USP38: variants seen among roughly 807,000 people sequenced by gnomAD.
USP38 encodes ubiquitin specific peptidase 38, also known as ubiquitin carboxyl-terminal hydrolase 38.
A neutral mutation model predicts 94.3 loss-of-function variants in USP38; 49 were observed. That is an observed-to-expected ratio of 0.52 (90% CI 0.41 to 0.66). The LOEUF (loss-of-function observed/expected upper bound fraction) is 0.66, where lower values mean the gene tolerates loss of function less well. USP38 is among the 30% of genes least tolerant of loss of function. The pLI is 0.00. For synonymous variants in USP38, 468 were observed against 463.6 expected, an observed-to-expected ratio of 1.01 and a Z score of -0.12; for missense variants, 1,128 against 1,229.4, an observed-to-expected ratio of 0.92 and a Z score of 1.23.
At chr4:143,199,295 C>T (rs1018431433) in intron 4 of USP38, among the ~76,000 whole-genome samples, 6 of 152,094 alleles carry the variant, frequency 3.9e-5, no homozygotes, top group African/African-American at 9.7e-5. Context: ...GCCCTCCATC[C>T]GTGTTCCCGC....
chr4:143,212,517 C>T lies in USP38; in HGVS notation c.1604+93C>T, dbSNP rs140921636. The T allele has an allele frequency of 5.4e-5, 35 of 648,330 alleles. No homozygotes were observed. The African/African-American group carries it at 6.1e-4, about 11-fold the overall frequency. The allele number at this position is 648,330 out of a possible 1,614,324, so 40.2% of individuals were successfully genotyped here. A position where few individuals can be genotyped will look rare whatever the true frequency, so the allele number is the denominator to read the frequency against. On this transcript the variant is annotated intron_variant, in intron 8 of 9. Coordinates refer to ENST00000307017, the MANE Select transcript of USP38 (RefSeq NM_032557.6). ...TGCTTTTACCTTTAAAAACATATTT[C>T]AAATATTACTCTTTAAAATACTATT...
intron 6 of USP38, among the ~76,000 whole-genome samples, chr4:143,209,114 T>C (rs971960607): frequency 2.0e-5 from 3 of 152,048 alleles, no homozygotes; most frequent in African/African-American, 7.2e-5. Flanking sequence ...ACTTATCTTA[T>C]AAATTAATGG....
In USP38 at chr4:143,222,327, C is replaced by T. The variant is rs1220545690; in HGVS notation, c.*1871C>T. 1 of 151,934 alleles carries T rather than the reference C, an allele frequency of 6.6e-6. No individual in the cohort carries two copies. Among genetic ancestry groups the T allele is most frequent in the Admixed American group, 6.6e-5 (1 of 15,240 alleles). The allele number at this position is 151,934 out of a possible 1,614,324, so 9.4% of individuals were successfully genotyped here. A position where few individuals can be genotyped will look rare whatever the true frequency, so the allele number is the denominator to read the frequency against. The stretch of plus-strand genomic sequence containing the variant: ...TATCTGCAGTGGATTGGTTCCAGAA[C>T]ACCATCCCCCAATATTAAAATCCAC... On this transcript the variant is annotated 3_prime_UTR_variant, in exon 10 of 10. Transcript: ENST00000307017.
rs1349058553 is a variant in USP38, at chr4:143,185,520, A to C, written c.70A>C (p.Lys24Gln). 1 of 1,612,842 alleles carries C rather than the reference A, an allele frequency of 6.2e-7. No individual in the cohort carries two copies. The highest frequency in any genetic ancestry group is 8.5e-7 in the Non-Finnish European group (1 of 1,179,386). Residue 24 changes from lysine to glutamine, a missense_variant, in exon 1 of 10, where the codon AAG becomes CAG. Lys to Gln is a moderately conservative substitution (Grantham distance 53, BLOSUM62 1). Transcript: ENST00000307017. ...GCCCCTCAAGCGGGTGATTGTGCGG[A>C]AGGTGGTGGAATCGGCGGAGCACTG... The part of the protein sequence containing the change: ...PLPLKRVIVR[K>Q]VVESAEHWLD...
intron 3 of USP38, 127 bp from the exon 4 acceptor site, chr4:143,197,694 TAA>T: frequency 1.6e-6 from 1 of 612,398 alleles, no homozygotes. Context: ...TTTAATAATA[TAA>T]GTTATGTTAG....
chr4:143,187,169 G>A (rs142259669), intron 1 of USP38, among the ~76,000 whole-genome samples: 19 of 152,036 alleles, frequency 1.2e-4, no homozygotes, highest in African/African-American at 4.6e-4. Context: ...TTGAACTGTA[G>A]CAGTAAAGGT....
At chr4:143,199,694 A>G (rs1246417296) in intron 4 of USP38, among the ~76,000 whole-genome samples, 1 of 152,072 alleles carries the variant, frequency 6.6e-6, no homozygotes, top group Non-Finnish European at 1.5e-5. Context: ...ATGAGATGGT[A>G]GTTCATTGTG....
In USP38 at chr4:143,213,827, G is replaced by A. The variant is rs143503547; in HGVS notation, c.1851G>A (p.Ser617=). The A allele has an allele frequency of 2.2e-5, 35 of 1,613,640 alleles. No homozygotes were observed. The highest frequency in any genetic ancestry group is 1.6e-4 in the Middle Eastern group (1 of 6,082). The change falls in exon 9 of 10, where the codon TCG becomes TCA. Residue 617 remains serine, a synonymous_variant. Transcript: ENST00000307017. ...AAGTGGAAGCCTTTACAGATCTTTC[G>A]CTTGCCTTTTGTCCTTCCTCTTCTT... The part of the protein sequence containing the change: ...SQKVEAFTDL[S]LAFCPSSSLE...
rs1732089188 is a variant in USP38, at chr4:143,213,621, C to A, written c.1645C>A (p.His549Asn). The change falls in exon 9 of 10, where the codon CAC becomes AAC. Residue 549 changes from histidine (H) to asparagine (N), a missense_variant. Physicochemically the swap from His to Asn is moderately conservative, Grantham distance 68. Coordinates refer to ENST00000307017, the MANE Select transcript of USP38 (RefSeq NM_032557.6). ...AAAGATCTTGAAAGTTCAGGCCTCA[C>A]ACAAGCCTTCTGAAATTCTGGAATG... ...EEKILKVQASHKPSEILECSE... is the reference protein window; with the variant it reads ...EEKILKVQASNKPSEILECSE... 5 of 1,612,930 alleles carry A rather than the reference C, an allele frequency of 3.1e-6. No individual in the cohort carries two copies. The East Asian group carries it at 1.1e-4, about 36-fold the overall frequency.
chr4:143,214,966 A>G (rs1360226484), intron 9 of USP38, 23 bp downstream of exon 9: 2 of 1,595,756 alleles, frequency 1.3e-6, no homozygotes, highest in Non-Finnish European at 8.5e-7. Flanking sequence ...TACAAGCTTT[A>G]TTTGTTGAAA....
In USP38 at chr4:143,185,918, A is replaced by T. The variant is rs761263877; in HGVS notation, c.468A>T (p.Gln156His). The change falls in exon 1 of 10, where the codon CAA becomes CAT. Residue 156 changes from glutamine to histidine, a missense_variant. By Grantham distance (24) the Gln-to-His change is conservative. Transcript: ENST00000307017. ...RLSDLLTDFV[Q>H]CIPKGKLSIT... ...GCGACCTTCTGACCGACTTTGTGCAATGCATCCCCAAGGGGAAATTGTCCA... is the reference window on the plus strand; with the variant it reads ...GCGACCTTCTGACCGACTTTGTGCATTGCATCCCCAAGGGGAAATTGTCCA... The T allele has an allele frequency of 5.6e-6, 9 of 1,614,054 alleles. No individual in the cohort carries two copies. The highest frequency in any genetic ancestry group is 1.7e-5 in the Admixed American group (1 of 60,004).
In USP38 at chr4:143,187,814, T is replaced by G; in HGVS notation, c.683-12T>G. On this transcript the variant is annotated splice_polypyrimidine_tract_variant and intron_variant, in intron 1 of 9. Coordinates refer to ENST00000307017, the MANE Select transcript of USP38 (RefSeq NM_032557.6). The stretch of plus-strand genomic sequence containing the variant: ...TTGCCATGTTCCCTTTTCTTTTTAA[T>G]TGAAAAAACAGATGCATCATTTGAA... The G allele has an allele frequency of 2.5e-6, 4 of 1,599,836 alleles. No individual in the cohort carries two copies. Among genetic ancestry groups the G allele is most frequent in the Non-Finnish European group, 3.4e-6 (4 of 1,175,406 alleles).
At chr4:143,216,627 C>T (rs1732192042) in intron 9 of USP38, among the ~76,000 whole-genome samples, 1 of 151,712 alleles carries the variant, frequency 6.6e-6, no homozygotes, top group Non-Finnish European at 1.5e-5. Context: ...GCATGTGTCA[C>T]CATGCCTGGC....
At chr4:143,210,317 A>G (rs1251798419) in intron 7 of USP38, among the ~76,000 whole-genome samples, 1 of 152,200 alleles carries the variant, frequency 6.6e-6, no homozygotes, top group East Asian at 1.9e-4. Flanking sequence ...GGCCAGGCGC[A>G]GTGGCTCACG....
In USP38 at chr4:143,213,921, T is replaced by G; in HGVS notation, c.1945T>G (p.Ser649Ala). The G allele has an allele frequency of 6.2e-7, 1 of 1,613,834 alleles. No individual in the cohort carries two copies. Among genetic ancestry groups the G allele is most frequent in the Non-Finnish European group, 8.5e-7 (1 of 1,179,848 alleles). The change falls in exon 9 of 10, where the codon TCT becomes GCT. Residue 649 changes from serine to alanine, a missense_variant. Physicochemically the swap from Ser to Ala is moderately conservative, Grantham distance 99. Transcript: ENST00000307017. ...SIQDGGLMQASVPGPSEEPVV... is the reference protein window; with the variant it reads ...SIQDGGLMQAAVPGPSEEPVV... ...ACAAGATGGTGGTCTAATGCAAGCC[T>G]CTGTACCCGGTCCTTCAGAAGAACC...
rs192389253 is a variant in USP38, at chr4:143,205,208, C to T, written c.1210-825C>T. Among the ~76,000 whole-genome samples the T allele has an allele frequency of 5.3e-5, 8 of 152,164 alleles. No individual in the cohort carries two copies. The South Asian group carries it at 6.2e-4, about 12-fold the overall frequency. On this transcript the variant is annotated intron_variant, in intron 5 of 9. Transcript: ENST00000307017. ...ATAGGCTCAGAAGAAACAATGGGCT[C>T]GCTCTAAGCCCAAAGAAAGCACTTT... is the stretch of plus-strand genomic sequence containing the variant.
chr4:143,194,687 T>C (rs1032407008), intron 2 of USP38, among the ~76,000 whole-genome samples: 52 of 152,162 alleles, frequency 3.4e-4, no homozygotes, highest in African/African-American at 1.3e-3. Context: ...TTTGTATTTT[T>C]AGTGGAGATG....
chr4:143,205,743 T>C (rs1203963042), intron 5 of USP38, among the ~76,000 whole-genome samples: 3 of 152,214 alleles, frequency 2.0e-5, no homozygotes, highest in African/African-American at 4.8e-5. Context: ...TTTATAAACA[T>C]TTTGCTGGCA....
intron 3 of USP38, among the ~76,000 whole-genome samples, chr4:143,196,568 CA>C (rs2149606280): frequency 6.6e-6 from 1 of 152,300 alleles, no homozygotes; most frequent in Non-Finnish European, 1.5e-5. Context: ...TGTCCTCCTT[CA>C]CAGGCTTATC....
Sources: allele counts gnomAD v4.1 joint callset (sites outside exome capture counted in the v4.1 genomes callset), GRCh38; gene constraint gnomAD v4.1.1; transcripts MANE v1.5; gene names NCBI Gene and HGNC (gene_info 2026-07-23, HGNC 2026-07-21).